Variants in STIL observed in about 807,000 individuals in gnomAD.
STIL encodes SCL-interrupting locus protein.
A neutral mutation model predicts 110.1 loss-of-function variants in STIL; 55 were observed. The ratio of observed to expected loss-of-function variants is 0.50; its 90% CI spans 0.40 to 0.63. The LOEUF (loss-of-function observed/expected upper bound fraction) is 0.63, where lower values mean the gene tolerates loss of function less well. Among genes scored for constraint, STIL ranks in the 20% least tolerant of loss-of-function variants. STIL has a pLI of 0.00. For missense variants in STIL, 1,358 were observed against 1,530.0 expected (o/e 0.89, Z 1.87); for synonymous variants, 481 against 530.0 (o/e 0.91, Z 1.27).
At chr1:47,282,577 A>C in intron 10 of STIL, 118 bp from the exon 11 acceptor site, 1 of 677,804 alleles carries the variant, frequency 1.5e-6, no homozygotes, top group Non-Finnish European at 2.6e-6. Context: ...TTAATTTAGT[A>C]TCTGACAACC....
chr1:47,295,863 T>G lies in STIL; in HGVS notation c.702-15A>C. 1 of 1,580,852 alleles carries G rather than the reference T, an allele frequency of 6.3e-7. No homozygotes were observed. The highest frequency in any genetic ancestry group is 8.7e-7 in the Non-Finnish European group (1 of 1,150,482). Reference sequence around the variant, plus strand: ...TGGTAAGATATCTAAACAGAAGACATTCATGTGAAAATAACTGAAATTATG... The same window carrying G: ...TGGTAAGATATCTAAACAGAAGACAGTCATGTGAAAATAACTGAAATTATG... On this transcript the variant is annotated splice_polypyrimidine_tract_variant and intron_variant, in intron 6 of 16. Transcript: ENST00000371877.
intron 12 of STIL, among the ~76,000 whole-genome samples, chr1:47,273,572 A>G (rs1644902772): frequency 2.0e-5 from 3 of 152,356 alleles, no homozygotes; most frequent in African/African-American, 7.2e-5. Flanking sequence ...TTGTATGGAT[A>G]TATCACATTG....
In STIL at chr1:47,262,917, A is replaced by G. The variant is rs1644526740; in HGVS notation, c.2815T>C (p.Tyr939His). 6.2e-7 allele frequency: 1 copy of G among 1,614,010 alleles called. No homozygotes were observed. The highest frequency in any genetic ancestry group is 8.5e-7 in the Non-Finnish European group (1 of 1,179,958). Residue 939 changes from tyrosine to histidine, a missense_variant, in exon 15 of 17, where the codon TAC (tyrosine) becomes CAC (histidine). Transcript: ENST00000371877. Reference protein sequence around the residue: ...LHQPSDNQKIYQDLLGQVNHL... With the variant: ...LHQPSDNQKIHQDLLGQVNHL... ...CATTTTCTTACCAATAAATCCTGGTAAATTTTCTGGTTATCTGATGGTTGA... is the reference window on the plus strand; with the variant it reads ...CATTTTCTTACCAATAAATCCTGGTGAATTTTCTGGTTATCTGATGGTTGA...
chr1:47,286,516 G>A (rs954861684), intron 10 of STIL, among the ~76,000 whole-genome samples: 1 of 151,538 alleles, frequency 6.6e-6, no homozygotes, highest in African/African-American at 2.4e-5. Flanking sequence ...AGACCATCCT[G>A]GCTAACATAG....
In STIL at chr1:47,260,464, G is replaced by A. The variant is rs745331343; in HGVS notation, c.2905C>T (p.His969Tyr). The A allele has an allele frequency of 4.3e-6, 7 of 1,614,056 alleles. No individual in the cohort carries two copies. The African/African-American group carries it at 6.7e-5, about 15-fold the overall frequency. The change falls in exon 16 of 17, where the codon CAT becomes TAT. Residue 969 changes from histidine to tyrosine, a missense_variant. His to Tyr is a moderately conservative substitution (Grantham distance 83). Coordinates refer to ENST00000371877, the MANE Select transcript of STIL (RefSeq NM_001048166.1). The part of the protein sequence containing the change: ...QPSTKAVIIS[H>Y]ECTRTQNVYH... ...ACGTTTTGGGTTCTGGTGCATTCATGACTGATAATTACTGCTTTGGTAGAC... is the reference window on the plus strand; with the variant it reads ...ACGTTTTGGGTTCTGGTGCATTCATAACTGATAATTACTGCTTTGGTAGAC...
intron 14 of STIL, among the ~76,000 whole-genome samples, chr1:47,268,812 C>T (rs994630094): frequency 5.3e-5 from 8 of 150,668 alleles, no homozygotes; most frequent in Admixed American, 2.0e-4. Context: ...GAAATTTCTC[C>T]GCCAGGTGTG....
intron 7 of STIL, among the ~76,000 whole-genome samples, chr1:47,294,178 G>GA (rs1645576208): frequency 6.6e-6 from 1 of 152,100 alleles, no homozygotes; most frequent in Admixed American, 6.6e-5. Context: ...CTAAACAATT[G>GA]AAAGTCTAGC....
chr1:47,313,453 A>G (rs1057489475), intron 1 of STIL, among the ~76,000 whole-genome samples: 4 of 151,876 alleles, frequency 2.6e-5, no homozygotes, highest in African/African-American at 9.7e-5. Flanking sequence ...CTCATCCTAC[A>G]TTCCAGTCAA....
intron 7 of STIL, among the ~76,000 whole-genome samples, chr1:47,294,820 G>A (rs2149124839): frequency 6.6e-6 from 1 of 152,336 alleles, no homozygotes; most frequent in East Asian, 1.9e-4. Context: ...ATTATTATGA[G>A]CCCTGAGTTC....
At chr1:47,282,323 T>A (rs1434713645) in intron 11 of STIL, 22 bp downstream of exon 11, 2 of 1,496,042 alleles carry the variant, frequency 1.3e-6, no homozygotes, top group Non-Finnish European at 1.9e-6. Context: ...CAAAAGTGAA[T>A]GCATTTTAAA....
At chr1:47,291,453 C>T (rs1570220819) in intron 8 of STIL, among the ~76,000 whole-genome samples, 1 of 151,964 alleles carries the variant, frequency 6.6e-6, no homozygotes. Flanking sequence ...TTACTTGCCA[C>T]TATCATTCAG....
chr1:47,279,214 C>T (rs1254926371), intron 12 of STIL, among the ~76,000 whole-genome samples: 1 of 147,584 alleles, frequency 6.8e-6, no homozygotes, highest in African/African-American at 2.5e-5. Context: ...ACCCGGGAGG[C>T]GGAGCTTGCA....
rs200088144 is a variant in STIL at position 47,282,414 on chromosome 1, G to A, written c.1179C>T (p.His393=). 1.4e-5 allele frequency: 23 copies of A among 1,613,232 alleles called. No homozygotes were observed. The East Asian group carries it at 3.6e-4, about 25-fold the overall frequency. Residue 393 remains histidine (H), a synonymous_variant, in exon 11 of 17, where the codon CAC becomes CAT. Transcript: ENST00000371877. ...LSSGKMPIHD[H]DSGVEDEDFS... is the part of the protein sequence containing the mutation. The stretch of plus-strand genomic sequence containing the variant: ...AATCTTCATCTTCAACACCAGAGTC[G>A]TGATCATGTATTGGCATCTTCCCAG...
chr1:47,269,403 T>C (rs1157036396), intron 14 of STIL, among the ~76,000 whole-genome samples: 1 of 152,142 alleles, frequency 6.6e-6, no homozygotes, highest in East Asian at 1.9e-4. Flanking sequence ...GCAACTGTAA[T>C]GAATAATAAT....
chr1:47,250,923 AGGTTT>A lies in STIL; in HGVS notation c.*208_*212del. On this transcript the variant is annotated 3_prime_UTR_variant, in exon 17 of 17. Coordinates refer to ENST00000371877, the MANE Select transcript of STIL (RefSeq NM_001048166.1). ...TAACTGATCTCAGGGCTTTTCTTAAAGGTTTCAGTGATGTTGAACAGCTCTATTTG... is the reference window on the plus strand; with the variant it reads ...TAACTGATCTCAGGGCTTTTCTTAAACAGTGATGTTGAACAGCTCTATTTG... 1.9e-6 allele frequency: 1 copy of A among 538,142 alleles called. No individual in the cohort carries two copies. Among genetic ancestry groups the A allele is most frequent in the South Asian group, 2.6e-5 (1 of 38,828 alleles). 33.3% of individuals were successfully genotyped at this position (538,142 alleles called of 1,614,324 possible).
At chr1:47,278,829 A>C (rs933508604) in intron 12 of STIL, among the ~76,000 whole-genome samples, 2 of 152,064 alleles carry the variant, frequency 1.3e-5, no homozygotes, top group Non-Finnish European at 2.9e-5. Flanking sequence ...TTTAAAAAAA[A>C]CTATACTTTA....
intron 15 of STIL, among the ~76,000 whole-genome samples, 193 bp from the exon 16 acceptor site, chr1:47,260,732 G>A (rs535732677): frequency 3.3e-5 from 5 of 152,184 alleles, no homozygotes; most frequent in East Asian, 1.9e-4. Context: ...AGCTGGGCAC[G>A]GTGGCACACG....
At chr1:47,271,495 G>GT (rs1644832965) in intron 13 of STIL, among the ~76,000 whole-genome samples, 1 of 149,830 alleles carries the variant, frequency 6.7e-6, no homozygotes, top group Non-Finnish European at 1.5e-5. Flanking sequence ...GGAGGCGGAG[G>GT]TTGCAGTGAG....
At chr1:47,303,096 T>C (rs1258962197) in intron 3 of STIL, among the ~76,000 whole-genome samples, 1 of 152,082 alleles carries the variant, frequency 6.6e-6, no homozygotes, top group African/African-American at 2.4e-5. Flanking sequence ...CCAGGCAAAT[T>C]TGAATAAAAA....
Sources: gnomAD v4.1 joint callset for allele counts (sites outside exome capture counted in the v4.1 genomes callset) on GRCh38, gnomAD v4.1.1 for gene constraint, MANE v1.5 for transcripts, NCBI Gene and HGNC (gene_info 2026-07-23, HGNC 2026-07-21) for gene names.